The following FBLN1 variants were observed in gnomAD, a reference collection of about 807,000 sequenced individuals.
The protein encoded by FBLN1 is fibulin 1, also known as fibulin-1.
In FBLN1, 34 loss-of-function variants were observed where a neutral mutation model predicts 89.7. The observed-to-expected ratio is 0.38, with a 90% CI of 0.29 to 0.50. The LOEUF (loss-of-function observed/expected upper bound fraction) is 0.50. Among genes scored for constraint, FBLN1 ranks in the 20% least tolerant of loss-of-function variants. FBLN1 has a pLI of 0.92. For synonymous variants in FBLN1, 393 were observed against 391.3 expected (o/e 1.00, Z -0.05); for missense variants, 777 against 988.1 (o/e 0.79, Z 2.86).
chr22:45,527,747 G>A, intron 3 of FBLN1, 100 bp from the exon 4 acceptor site: 2 of 1,240,410 alleles, frequency 1.6e-6, no homozygotes, highest in Non-Finnish European at 2.3e-6. Flanking sequence ...TACAGGTTGT[G>A]TGGACAGGGG....
At chr22:45,573,468 G>T (rs1602218992) in intron 14 of FBLN1, among the ~76,000 whole-genome samples, 3 of 151,640 alleles carry the variant, frequency 2.0e-5, no homozygotes, top group African/African-American at 7.3e-5. Flanking sequence ...AAGGTCAGAA[G>T]TTCAAGACCA....
intron 9 of FBLN1, among the ~76,000 whole-genome samples, chr22:45,541,611 CT>C (rs2088557481): frequency 6.6e-6 from 1 of 152,352 alleles, no homozygotes; most frequent in Non-Finnish European, 1.5e-5. Context: ...GCACCCCACC[CT>C]GTTTACAGTT....
chr22:45,505,003 A>C (rs1222660300), intron 1 of FBLN1, among the ~76,000 whole-genome samples: 1 of 152,230 alleles, frequency 6.6e-6, no homozygotes, highest in Admixed American at 6.5e-5. Context: ...CACAAGTGGC[A>C]CCGCCCCTGC....
chr22:45,600,667 T>G lies in FBLN1; in HGVS notation c.*221T>G, dbSNP rs546867404. 8 of 605,604 alleles carry G rather than the reference T, an allele frequency of 1.3e-5. 1 individual carries two copies. The South Asian group carries it at 1.5e-4, about 11-fold the overall frequency. The allele number at this position is 605,604 out of a possible 1,614,324, so 37.5% of individuals were successfully genotyped here. The stretch of plus-strand genomic sequence containing the variant: ...TGCTCAACTGTTTGGTTGAAAACCT[T>G]GCTCATTTTTTAATGCGAAGGCTAA... On this transcript the variant is annotated 3_prime_UTR_variant, in exon 17 of 17. Coordinates refer to ENST00000327858, the MANE Select transcript of FBLN1 (RefSeq NM_006486.3).
chr22:45,503,944 A>G (rs746114974), intron 1 of FBLN1, among the ~76,000 whole-genome samples: 3 of 152,136 alleles, frequency 2.0e-5, no homozygotes, highest in Non-Finnish European at 4.4e-5. Flanking sequence ...TCCTCTGATC[A>G]GAGCAGCTGC....
rs998586421 is a variant in FBLN1, at chr22:45,574,848, C to G, written c.1840+195C>G. Among the ~76,000 whole-genome samples the G allele has an allele frequency of 3.5e-5, 5 of 141,876 alleles. No individual in the cohort carries two copies. Among genetic ancestry groups the G allele is most frequent in the African/African-American group, 5.4e-5 (2 of 37,282 alleles). The allele number at this position is 141,876 out of a possible 152,430, so 93.1% of individuals were successfully genotyped here. A position where few individuals can be genotyped will look rare whatever the true frequency, so the allele number is the denominator to read the frequency against. ...CCGGGCTGGAGTGCAGTGGTGCCATCTCGGCTCACTGCAAGCTCCACCTCC... is the reference window on the plus strand; with the variant it reads ...CCGGGCTGGAGTGCAGTGGTGCCATGTCGGCTCACTGCAAGCTCCACCTCC... On this transcript the variant is annotated intron_variant, in intron 15 of 16. Transcript: ENST00000327858. This position sits in a 1 kb window ranked among gnomAD's most constrained non-coding sequence, Gnocchi z 4.1.
At chr22:45,555,143 C>T (rs375628412) in intron 14 of FBLN1, among the ~76,000 whole-genome samples, 2 of 151,540 alleles carry the variant, frequency 1.3e-5, no homozygotes, top group East Asian at 1.9e-4. Flanking sequence ...GGTTGGGACC[C>T]GTCCGTGTCT....
At chr22:45,598,018 G>C (rs1422662208) in intron 16 of FBLN1, among the ~76,000 whole-genome samples, 1 of 152,174 alleles carries the variant, frequency 6.6e-6, no homozygotes, top group African/African-American at 2.4e-5. Context: ...GCTGTGTCCT[G>C]GGCACCAAGA....
At chr22:45,529,204 C>G (rs1381534202) in intron 4 of FBLN1, among the ~76,000 whole-genome samples, 1 of 152,240 alleles carries the variant, frequency 6.6e-6, no homozygotes, top group Admixed American at 6.5e-5. Context: ...GTGCCCTCTC[C>G]ATCTGGAGCT....
intron 10 of FBLN1, 83 bp from the exon 11 acceptor site, chr22:45,543,318 C>T: frequency 6.5e-7 from 1 of 1,543,596 alleles, no homozygotes; most frequent in Non-Finnish European, 8.9e-7. Flanking sequence ...GGACAAAGGA[C>T]ATGAGCTGGC....
chr22:45,551,727 C>T (rs1410526703), intron 14 of FBLN1, among the ~76,000 whole-genome samples: 1 of 152,266 alleles, frequency 6.6e-6, no homozygotes, highest in Admixed American at 6.5e-5. Flanking sequence ...GGTTATGCAA[C>T]AGCCTGCCCC....
chr22:45,553,739 G>C (rs910180141), intron 14 of FBLN1, among the ~76,000 whole-genome samples: 1 of 152,222 alleles, frequency 6.6e-6, no homozygotes, highest in Non-Finnish European at 1.5e-5. Context: ...TGACTGTGTG[G>C]GGTCGGAGGG....
intron 14 of FBLN1, among the ~76,000 whole-genome samples, chr22:45,554,454 C>G (rs886170230): frequency 6.6e-5 from 10 of 152,342 alleles, no homozygotes; most frequent in African/African-American, 2.4e-4. Flanking sequence ...CCAGGCAGGA[C>G]TCCCCCGTTC....
intron 14 of FBLN1, chr22:45,565,208 G>T (rs2147016171): frequency 6.6e-7 from 1 of 1,504,316 alleles, no homozygotes; most frequent in South Asian, 1.1e-5. Context: ...GACCAGTCTG[G>T]TTACGATGGT....
chr22:45,515,932 C>G (rs1310223277), intron 1 of FBLN1, among the ~76,000 whole-genome samples: 1 of 152,210 alleles, frequency 6.6e-6, no homozygotes, highest in Non-Finnish European at 1.5e-5. Flanking sequence ...CTACTCAACT[C>G]TGTAGCTGCC....
intron 8 of FBLN1, among the ~76,000 whole-genome samples, chr22:45,538,700 C>T (rs1308762572): frequency 1.3e-5 from 2 of 152,196 alleles, no homozygotes; most frequent in Non-Finnish European, 2.9e-5. Flanking sequence ...ACCCTGGGTC[C>T]TCTGCTCCCA....
rs1300828970 is a variant in FBLN1 at position 45,557,389 on chromosome 22, T to A, written c.1697+6774T>A. Among the ~76,000 whole-genome samples the A allele has an allele frequency of 6.6e-6, 1 of 152,110 alleles. No homozygotes were observed. Among genetic ancestry groups the A allele is most frequent in the African/African-American group, 2.4e-5 (1 of 41,402 alleles). On this transcript the variant is annotated intron_variant, in intron 14 of 16. Coordinates refer to ENST00000327858, the MANE Select transcript of FBLN1 (RefSeq NM_006486.3). The surrounding 1 kb of genome is among the most constrained non-coding windows in gnomAD (Gnocchi z 4.9). ...CCAGTATAATCAACCTGCCACCAGG[T>A]AGCTGGCTGATCACCCCGAGGCATG...
intron 1 of FBLN1, among the ~76,000 whole-genome samples, chr22:45,504,651 C>A (rs1690765378): frequency 6.6e-6 from 1 of 152,148 alleles, no homozygotes; most frequent in African/African-American, 2.4e-5. Context: ...CTCCCTGGCC[C>A]CGGAGTCTCT....
Position 45,532,483 on chromosome 22 carries a change from A to C in FBLN1, c.545-580A>C, listed in dbSNP as rs1277671981. Among the ~76,000 whole-genome samples, 3 of 152,052 alleles carry C rather than the reference A, an allele frequency of 2.0e-5. No homozygotes were observed. The East Asian group carries it at 5.8e-4, about 29-fold the overall frequency. ...AGCAGTTAGAAGTGTATCTCGTAGA[A>C]TCTTTCCCTGGTTGAGGCTTATCCT... On this transcript the variant is annotated intron_variant, in intron 5 of 16. Transcript: ENST00000327858. The surrounding 1 kb of genome is among the most constrained non-coding windows in gnomAD (Gnocchi z 4.2).
Sources: gnomAD v4.1 joint callset for allele counts (sites outside exome capture counted in the v4.1 genomes callset) on GRCh38, gnomAD v4.1.1 for gene constraint, Gnocchi (gnomAD v3.1) non-coding constraint, MANE v1.5 for transcripts, NCBI Gene and HGNC (gene_info 2026-07-23, HGNC 2026-07-21) for gene names.